The following MIPOL1 variants were observed in gnomAD, a reference collection of about 807,000 sequenced individuals.
The protein encoded by MIPOL1 is mirror-image polydactyly 1.
MIPOL1 carries 57 observed loss-of-function variants against 60.9 expected under a neutral mutation model. That is an observed-to-expected ratio of 0.94 (90% CI 0.76 to 1.17). MIPOL1 has a LOEUF of 1.17. Among genes scored for constraint, MIPOL1 ranks in the 50% most tolerant of loss-of-function variants. The pLI, the probability that MIPOL1 is intolerant of heterozygous loss-of-function variation, is 0.00. For synonymous variants in MIPOL1, 179 were observed against 168.8 expected (o/e 1.06, Z -0.47); for missense variants, 551 against 511.6 (o/e 1.08, Z -0.74).
In MIPOL1 at chr14:37,247,909, T is replaced by C. The variant is rs1274859755; in HGVS notation, c.19+2T>C. The C allele has an allele frequency of 6.2e-7, 1 of 1,612,742 alleles. No individual in the cohort carries two copies. The highest frequency in any genetic ancestry group is 1.1e-5 in the South Asian group (1 of 90,946). ...TACAAATGGAGAACTGGTCAAAAGG[T>C]AAGGACTTTTAAGGTATTAATACCA... On this transcript the variant is annotated splice_donor_variant, in intron 3 of 12. Transcript: ENST00000684589. LOFTEE classifies it high-confidence loss of function.
chr14:37,248,544 A>G (rs1273209656), intron 3 of MIPOL1, among the ~76,000 whole-genome samples: 1 of 152,128 alleles, frequency 6.6e-6, no homozygotes, highest in African/African-American at 2.4e-5. Context: ...GTACATACAG[A>G]CAAGAGACAC....
At chr14:37,340,729 AT>A (rs1483827921) in intron 9 of MIPOL1, among the ~76,000 whole-genome samples, 1 of 152,054 alleles carries the variant, frequency 6.6e-6, no homozygotes, top group African/African-American at 2.4e-5. Context: ...ACTAAGATTA[AT>A]TTTTTATTGA....
chr14:37,394,128 C>T (rs1245249859), intron 10 of MIPOL1, among the ~76,000 whole-genome samples: 19 of 126,844 alleles, frequency 1.5e-4, no homozygotes, highest in African/African-American at 3.5e-4. Flanking sequence ...TTTGTTTATC[C>T]GCTCATTGAT....
intron 1 of MIPOL1, among the ~76,000 whole-genome samples, chr14:37,221,853 C>T (rs1968826525): frequency 6.6e-6 from 1 of 152,098 alleles, no homozygotes; most frequent in Non-Finnish European, 1.5e-5. Flanking sequence ...TTGGAGGGGA[C>T]ATTCAAACCA....
intron 9 of MIPOL1, among the ~76,000 whole-genome samples, chr14:37,363,391 G>T (rs1045481024): frequency 5.9e-5 from 9 of 152,162 alleles, no homozygotes; most frequent in Non-Finnish European, 1.2e-4. Context: ...GTCCATTGGA[G>T]TTTGCTGGAG....
At chr14:37,204,847 G>A (rs554313198) in intron 1 of MIPOL1, among the ~76,000 whole-genome samples, 7 of 152,244 alleles carry the variant, frequency 4.6e-5, no homozygotes, top group South Asian at 2.1e-4. Context: ...GGCTGGAATA[G>A]TTTGGAGGGC....
At chr14:37,282,173 A>G (rs2084160227) in intron 6 of MIPOL1, among the ~76,000 whole-genome samples, 1 of 152,006 alleles carries the variant, frequency 6.6e-6, no homozygotes, top group African/African-American at 2.4e-5. Flanking sequence ...GTAGTTTGAC[A>G]GTATAAATAA....
chr14:37,498,924 A>G (rs1594744494), intron 11 of MIPOL1, among the ~76,000 whole-genome samples: 1 of 152,290 alleles, frequency 6.6e-6, no homozygotes, highest in African/African-American at 2.4e-5. Context: ...GCCAAAGTTC[A>G]CTAACTAGCT....
At chr14:37,266,174 A>G (rs969444327) in intron 3 of MIPOL1, among the ~76,000 whole-genome samples, 1 of 152,196 alleles carries the variant, frequency 6.6e-6, no homozygotes, top group African/African-American at 2.4e-5. Context: ...TGTGGTCACA[A>G]GTTAAATAGT....
At chr14:37,389,295 A>G (rs927890566) in intron 10 of MIPOL1, among the ~76,000 whole-genome samples, 1 of 152,138 alleles carries the variant, frequency 6.6e-6, no homozygotes, top group African/African-American at 2.4e-5. Context: ...TAAAAAATGT[A>G]TGCTGGCATG....
At chr14:37,446,991 G>A (rs2094346614) in intron 11 of MIPOL1, among the ~76,000 whole-genome samples, 1 of 151,808 alleles carries the variant, frequency 6.6e-6, no homozygotes, top group South Asian at 2.1e-4. Context: ...GAGTTAATGG[G>A]TGCAGCACAC....
chr14:37,436,740 C>T (rs1336597772), intron 11 of MIPOL1, among the ~76,000 whole-genome samples: 2 of 152,178 alleles, frequency 1.3e-5, no homozygotes, highest in Non-Finnish European at 1.5e-5. Context: ...CGGGACTTAA[C>T]ATTGTTATTT....
At chr14:37,412,233 ATACTT>A (rs1566553378) in intron 10 of MIPOL1, among the ~76,000 whole-genome samples, 1 of 152,174 alleles carries the variant, frequency 6.6e-6, no homozygotes, top group African/African-American at 2.4e-5. Flanking sequence ...ATGTAATACT[ATACTT>A]CAACAATATC....
At chr14:37,254,857 G>A (rs1316016670) in intron 3 of MIPOL1, among the ~76,000 whole-genome samples, 11 of 151,630 alleles carry the variant, frequency 7.3e-5, no homozygotes, top group African/African-American at 1.7e-4. Flanking sequence ...TTTCTCCCCC[G>A]TTTCTATTCT....
chr14:37,251,741 T>C (rs996319998), intron 3 of MIPOL1, among the ~76,000 whole-genome samples: 1 of 152,040 alleles, frequency 6.6e-6, no homozygotes, highest in East Asian at 1.9e-4. Context: ...TATAAATTCC[T>C]GATCATTTCT....
At chr14:37,432,121 C>A (rs1344946993) in intron 11 of MIPOL1, among the ~76,000 whole-genome samples, 1 of 152,182 alleles carries the variant, frequency 6.6e-6, no homozygotes, top group Admixed American at 6.5e-5. Context: ...TCCATCTCTG[C>A]CTATCCCATT....
At position 37,549,575 on chromosome 14, in the gene MIPOL1, C is replaced by G. The variant is rs1469497401; in HGVS notation, c.*2604C>G. ...AACCACACTCCATGCAACTATGAGTCTCTAAATCTCTCTGTAAGAAAAAAA... is the reference window on the plus strand; with the variant it reads ...AACCACACTCCATGCAACTATGAGTGTCTAAATCTCTCTGTAAGAAAAAAA... On this transcript the variant is annotated 3_prime_UTR_variant, in exon 13 of 13. Coordinates refer to ENST00000684589, the MANE Select transcript of MIPOL1 (RefSeq NM_001388067.1). 1 of 151,798 alleles carries G rather than the reference C, an allele frequency of 6.6e-6. No individual in the cohort carries two copies. The highest frequency in any genetic ancestry group is 1.5e-5 in the Non-Finnish European group (1 of 67,776). The allele number at this position is 151,798 out of a possible 1,614,324, so 9.4% of individuals were successfully genotyped here.
At chr14:37,436,745 T>C (rs2094169448) in intron 11 of MIPOL1, among the ~76,000 whole-genome samples, 2 of 152,238 alleles carry the variant, frequency 1.3e-5, no homozygotes, top group Non-Finnish European at 2.9e-5. Flanking sequence ...CTTAACATTG[T>C]TATTTTGCCA....
At chr14:37,354,139 T>C (rs578117048) in intron 9 of MIPOL1, among the ~76,000 whole-genome samples, 1 of 151,922 alleles carries the variant, frequency 6.6e-6, no homozygotes, top group Non-Finnish European at 1.5e-5. Flanking sequence ...AGAACATCTT[T>C]ATTTCTGCCT....
Sources: allele counts gnomAD v4.1 joint callset (sites outside exome capture counted in the v4.1 genomes callset), GRCh38; gene constraint gnomAD v4.1.1; transcripts MANE v1.5; gene names NCBI Gene and HGNC (gene_info 2026-07-23, HGNC 2026-07-21).